RBM33: variants seen among roughly 807,000 people sequenced by gnomAD.
The protein encoded by RBM33 is RNA binding motif protein 33.
RBM33 carries 28 observed loss-of-function variants against 132.6 expected under a neutral mutation model. The observed-to-expected ratio is 0.21, with a 90% CI of 0.16 to 0.29. The LOEUF is 0.29. Among genes scored for constraint, RBM33 ranks in the 10% least tolerant of loss-of-function variants. The pLI, the probability that RBM33 is intolerant of heterozygous loss-of-function variation, is 1.00. For missense variants in RBM33, 1,291 were observed against 1,518.5 expected, an observed-to-expected ratio of 0.85 and a Z score of 2.49; for synonymous variants, 634 against 593.0, an observed-to-expected ratio of 1.07 and a Z score of -1.01.
At chr7:155,680,037 T>C (rs34234855) in intron 4 of RBM33, among the ~76,000 whole-genome samples, 4,657 of 152,324 alleles carry the variant, frequency 0.031, 109 homozygotes, top group Admixed American at 0.059. Context: ...ATTTGAACAC[T>C]GAAATGTATT....
At chr7:155,747,387 T>C (rs1416027587) in intron 14 of RBM33, among the ~76,000 whole-genome samples, 1 of 152,206 alleles carries the variant, frequency 6.6e-6, no homozygotes, top group Non-Finnish European at 1.5e-5. Flanking sequence ...TTGTTGGGAA[T>C]TAGGCCTTTT....
chr7:155,699,316 A>G (rs2116955281), intron 5 of RBM33, among the ~76,000 whole-genome samples: 1 of 152,314 alleles, frequency 6.6e-6, no homozygotes, highest in East Asian at 1.9e-4. Context: ...CCCAGGCCCC[A>G]TCCTGAATCG....
At chr7:155,753,778 G>C (rs899316658) in intron 14 of RBM33, among the ~76,000 whole-genome samples, 2 of 152,200 alleles carry the variant, frequency 1.3e-5, no homozygotes, top group African/African-American at 4.8e-5. Context: ...GTGGAGGCGC[G>C]GGGCAGGCAC....
intron 15 of RBM33, among the ~76,000 whole-genome samples, chr7:155,765,662 T>C (rs1218545759): frequency 6.6e-6 from 1 of 152,244 alleles, no homozygotes; most frequent in African/African-American, 2.4e-5. Context: ...GCTTCACCGC[T>C]GTCCTAGGCT....
At chr7:155,661,144 A>AT (rs1276158233) in intron 1 of RBM33, among the ~76,000 whole-genome samples, 2,727 of 40,680 alleles carry the variant, frequency 0.067, 172 homozygotes, top group African/African-American at 0.21. Context: ...ATATATATAT[A>AT]TATTTTTTTT....
intron 5 of RBM33, among the ~76,000 whole-genome samples, chr7:155,683,299 C>T (rs1398889544): frequency 6.6e-6 from 1 of 152,184 alleles, no homozygotes; most frequent in African/African-American, 2.4e-5. Flanking sequence ...TCTTCGGAGG[C>T]TGTCACTGAA....
intron 5 of RBM33, among the ~76,000 whole-genome samples, chr7:155,690,033 TTC>T (rs1326504660): frequency 6.6e-6 from 1 of 152,192 alleles, no homozygotes; most frequent in African/African-American, 2.4e-5. Flanking sequence ...CTTGTTAACT[TTC>T]TGTCTCGTTG....
intron 7 of RBM33, among the ~76,000 whole-genome samples, chr7:155,708,578 T>C (rs1800185288): frequency 6.6e-6 from 1 of 152,240 alleles, no homozygotes; most frequent in South Asian, 2.1e-4. Context: ...GTGAATGCTT[T>C]TAGAAATGTC....
intron 16 of RBM33, among the ~76,000 whole-genome samples, chr7:155,770,288 G>T (rs887072010): frequency 3.3e-5 from 5 of 152,202 alleles, no homozygotes; most frequent in Non-Finnish European, 5.9e-5. Flanking sequence ...TTACCACTCA[G>T]CCCACCGCTG....
chr7:155,730,778 C>A (rs945577505), intron 9 of RBM33, among the ~76,000 whole-genome samples: 1 of 152,128 alleles, frequency 6.6e-6, no homozygotes, highest in Non-Finnish European at 1.5e-5. Context: ...GGCTTTGTTA[C>A]GTACCAGTAA....
At chr7:155,766,715 T>G in intron 16 of RBM33, 60 bp downstream of exon 16, 1 of 1,507,580 alleles carries the variant, frequency 6.6e-7, no homozygotes, top group Non-Finnish European at 9.0e-7. Flanking sequence ...CAAAATCATT[T>G]CTTGATTTAA....
In RBM33 at chr7:155,742,003, G is replaced by A. The variant is rs750818440; in HGVS notation, c.2234G>A (p.Arg745Gln). The change falls in exon 13 of 18, where the codon CGG becomes CAG. Residue 745 changes from arginine (R) to glutamine (Q), a missense_variant. Around this residue, in one of 7 missense-constraint regions of RBM33, gnomAD observed 841 missense variants for 912.0 expected, o/e 0.92. Transcript: ENST00000401878. ...ATCGTCAGCGCGTCACCACCCTCGCGGGCCGTGGCGGGTTCCAGAAGCTCA... is the reference window on the plus strand; with the variant it reads ...ATCGTCAGCGCGTCACCACCCTCGCAGGCCGTGGCGGGTTCCAGAAGCTCA... ...KPIVSASPPS[R>Q]AVAGSRSSQG... 8 of 1,613,980 alleles carry A rather than the reference G, an allele frequency of 5.0e-6. No homozygotes were observed. The highest frequency in any genetic ancestry group is 1.1e-5 in the South Asian group (1 of 91,080).
chr7:155,727,797 A>G (rs1800835142), intron 9 of RBM33, among the ~76,000 whole-genome samples: 2 of 152,280 alleles, frequency 1.3e-5, no homozygotes, highest in Admixed American at 6.5e-5. Flanking sequence ...GACAGGGTTC[A>G]CTTTGTAGCC....
chr7:155,709,384 C>A (rs1325309509), intron 7 of RBM33, among the ~76,000 whole-genome samples: 1 of 152,142 alleles, frequency 6.6e-6, no homozygotes, highest in Non-Finnish European at 1.5e-5. Flanking sequence ...TCTTTAACTG[C>A]ATTTTTCTTC....
chr7:155,681,857 A>T (rs1317337155), intron 5 of RBM33, among the ~76,000 whole-genome samples: 6 of 152,090 alleles, frequency 3.9e-5, no homozygotes, highest in African/African-American at 1.4e-4. Flanking sequence ...TTTGAAAAGG[A>T]TTAATTGTTT....
At position 155,644,924 on chromosome 7, in the gene RBM33, G is replaced by A. The variant is rs1050280658; in HGVS notation, c.43+5G>A. On this transcript the variant is annotated splice_donor_5th_base_variant and intron_variant, in intron 1 of 17. Transcript: ENST00000401878. ...GCGGAGGAGCAGGCGCCGGAGGTAC[G>A]TGAGGCAGCCGGACTCTGGGGGCCA... is the stretch of plus-strand genomic sequence containing the variant. 6.0e-6 allele frequency: 9 copies of A among 1,496,546 alleles called. No homozygotes were observed. In the African/African-American group the frequency reaches 1.3e-4, roughly 22 times the overall value. 92.7% of individuals were successfully genotyped at this position (1,496,546 alleles called of 1,614,324 possible). A position where few individuals can be genotyped will look rare whatever the true frequency, so the allele number is the denominator to read the frequency against.
intron 8 of RBM33, among the ~76,000 whole-genome samples, chr7:155,714,823 C>T (rs1198064137): frequency 6.6e-6 from 1 of 152,088 alleles, no homozygotes; most frequent in African/African-American, 2.4e-5. Flanking sequence ...GGCCAGTGGC[C>T]TAGATCCTGG....
chr7:155,743,536 T>C (rs1801418320), intron 13 of RBM33, among the ~76,000 whole-genome samples: 1 of 152,246 alleles, frequency 6.6e-6, no homozygotes, highest in Non-Finnish European at 1.5e-5. Flanking sequence ...ATGGAATGTC[T>C]TGATTTATTT....
chr7:155,673,768 G>GCGACACACA (rs1554469952), intron 3 of RBM33, among the ~76,000 whole-genome samples: 2 of 132,962 alleles, frequency 1.5e-5, no homozygotes, highest in East Asian at 4.3e-4. Context: ...GCGCATGCGC[G>GCGACACACA]CACACACACA....
Sources: gnomAD v4.1 joint callset for allele counts (sites outside exome capture counted in the v4.1 genomes callset) on GRCh38, gnomAD v4.1.1 for gene constraint, gnomAD v4.1.1 regional missense constraint, MANE v1.5 for transcripts, NCBI Gene and HGNC (gene_info 2026-07-23, HGNC 2026-07-21) for gene names.